The following GSDMA variants were observed in gnomAD, a reference collection of about 807,000 sequenced individuals.
GSDMA encodes the protein gasdermin-A.
GSDMA carries 55 observed loss-of-function variants against 54.3 expected under a neutral mutation model. That is an observed-to-expected ratio of 1.01 (90% CI 0.82 to 1.27). GSDMA has a LOEUF of 1.27. GSDMA is among the 50% of genes most tolerant of loss of function. The probability of loss-of-function intolerance (pLI) is 0.00; values close to 1 mark genes in which losing one functional copy is unlikely to be tolerated. For missense variants in GSDMA, 542 were observed against 542.6 expected (o/e 1.00, Z 0.01); for synonymous variants, 211 against 224.7 (o/e 0.94, Z 0.54).
Position 39,966,380 on chromosome 17 carries a change from CTCTGGAGGTCCAG to C in GSDMA, c.336_348del (p.Leu113HisfsTer24). On this transcript the variant is annotated frameshift_variant, in exon 3 of 12. Transcript: ENST00000301659. LOFTEE classifies it high-confidence loss of function. ...ACGGCAGGGCTCTCGCAGAACAGCA[CTCTGGAGGTCCAG>C]ACACTCAGTGTGGCTCCCAAGGCCC... 1 of 1,613,810 alleles carries C rather than the reference CTCTGGAGGTCCAG, an allele frequency of 6.2e-7. No individual in the cohort carries two copies.
chr17:39,971,112 A>T (rs1979919073), intron 4 of GSDMA, among the ~76,000 whole-genome samples: 1 of 152,196 alleles, frequency 6.6e-6, no homozygotes, highest in African/African-American at 2.4e-5. Flanking sequence ...TGGGATTTGG[A>T]GCCAGGAGTA....
Position 39,972,619 on chromosome 17 carries a change from T to G in GSDMA, c.730+6T>G. ...AGGAGAGGAGAAGGTCATCCGTAAG[T>G]GTTTCCTTTCATTCCACTGAAACTT... On this transcript the variant is annotated splice_donor_region_variant and intron_variant, in intron 7 of 11. Transcript: ENST00000301659. 1 of 1,611,596 alleles carries G rather than the reference T, an allele frequency of 6.2e-7. No individual in the cohort carries two copies. Among genetic ancestry groups the G allele is most frequent in the Non-Finnish European group, 8.5e-7 (1 of 1,178,552 alleles).
intron 1 of GSDMA, among the ~76,000 whole-genome samples, chr17:39,963,441 G>A (rs1019965057): frequency 1.3e-5 from 2 of 152,160 alleles, no homozygotes; most frequent in African/African-American, 4.8e-5. Context: ...TGTGGTGGAT[G>A]TGGGATGCTT....
chr17:39,965,010 C>T (rs1177168445), intron 1 of GSDMA, among the ~76,000 whole-genome samples: 1 of 151,956 alleles, frequency 6.6e-6, no homozygotes, highest in Non-Finnish European at 1.5e-5. Context: ...GTCCCAGCTA[C>T]TCAGGAGGCT....
chr17:39,965,389 T>C (rs1216335139), intron 1 of GSDMA: 1 of 354,448 alleles, frequency 2.8e-6, no homozygotes, highest in African/African-American at 2.0e-5. Context: ...GTGAAGAAAA[T>C]GAGCGTGGAG....
intron 7 of GSDMA, 25 bp from the exon 8 acceptor site, chr17:39,973,785 C>CTTTTTTTTT: frequency 6.9e-7 from 1 of 1,455,086 alleles, no homozygotes; most frequent in Non-Finnish European, 9.4e-7. Context: ...GCATTCTTAT[C>CTTTTTTTTT]TTTTTTTTTT....
chr17:39,964,462 G>A lies in GSDMA; in HGVS notation c.-5-1221G>A, dbSNP rs140355326. ...CACACACCTGCAGTCCCAGCTACTC[G>A]GGAGGCTGAGGCAGGAGAATCGCTT... is the stretch of plus-strand genomic sequence containing the variant. On this transcript the variant is annotated intron_variant, in intron 1 of 11. Transcript: ENST00000301659. 7.7e-4 allele frequency among the ~76,000 whole-genome samples: 117 copies of A among 152,126 alleles called. 1 individual carries two copies. In the East Asian group the frequency reaches 0.02, roughly 26 times the overall value.
intron 6 of GSDMA, 37 bp downstream of exon 6, chr17:39,972,213 G>T: frequency 7.0e-7 from 1 of 1,436,916 alleles, no homozygotes. Context: ...CACATCTTCC[G>T]CCCTACCCCT....
Position 39,969,621 on chromosome 17 carries a change from G to A in GSDMA, c.393-861G>A, listed in dbSNP as rs559357073. On this transcript the variant is annotated intron_variant, in intron 3 of 11. Transcript: ENST00000301659. ...GATCGAGTATTGCACAGAGTTAGGC[G>A]AGGTCATTGAGACTGACAGGTAAGA... 3.3e-5 allele frequency among the ~76,000 whole-genome samples: 5 copies of A among 152,256 alleles called. No homozygotes were observed. The South Asian group carries it at 8.3e-4, about 25-fold the overall frequency.
At position 39,971,630 on chromosome 17, in the gene GSDMA, G is replaced by A; in HGVS notation, c.655+10G>A. 2 of 1,599,100 alleles carry A rather than the reference G, an allele frequency of 1.3e-6. No individual in the cohort carries two copies. The highest frequency in any genetic ancestry group is 1.7e-6 in the Non-Finnish European group (2 of 1,166,412). Reference sequence around the variant, plus strand: ...GGCAAAGATGAGTGGGGTGAGCAGAGACCCGCATGTTCTCCCCACAAGATG... The same window carrying A: ...GGCAAAGATGAGTGGGGTGAGCAGAAACCCGCATGTTCTCCCCACAAGATG... On this transcript the variant is annotated intron_variant, in intron 5 of 11. Coordinates refer to ENST00000301659, the MANE Select transcript of GSDMA (RefSeq NM_178171.5).
At position 39,966,254 on chromosome 17, in the gene GSDMA, C is replaced by T; in HGVS notation, c.215-6C>T. On this transcript the variant is annotated splice_region_variant and splice_polypyrimidine_tract_variant and intron_variant, in intron 2 of 11. Coordinates refer to ENST00000301659, the MANE Select transcript of GSDMA (RefSeq NM_178171.5). The stretch of plus-strand genomic sequence containing the variant: ...CCCAGCCCCTTTTGTCTTTTCCCTC[C>T]TGCAGACCCAACAGACACTGGGAAT... 1 of 1,613,922 alleles carries T rather than the reference C, an allele frequency of 6.2e-7. No homozygotes were observed. The highest frequency in any genetic ancestry group is 1.1e-5 in the South Asian group (1 of 91,078).
At position 39,973,744 on chromosome 17, in the gene GSDMA, C is replaced by T. The variant is rs374426083; in HGVS notation, c.731-66C>T. The T allele has an allele frequency of 1.3e-4, 184 of 1,382,252 alleles. No homozygotes were observed. The African/African-American group carries it at 2.3e-3, about 18-fold the overall frequency. The allele number at this position is 1,382,252 out of a possible 1,614,324, so 85.6% of individuals were successfully genotyped here. A position where few individuals can be genotyped will look rare whatever the true frequency, so the allele number is the denominator to read the frequency against. On this transcript the variant is annotated intron_variant, in intron 7 of 11. Transcript: ENST00000301659. Reference sequence around the variant, plus strand: ...TTCCTCATCTTCCTTAGTGTCTCAACCCCTGGGTATGGCTGCCATTCTGAA... The same window carrying T: ...TTCCTCATCTTCCTTAGTGTCTCAATCCCTGGGTATGGCTGCCATTCTGAA...
chr17:39,974,161 G>A (rs542271283), intron 8 of GSDMA, 112 bp from the exon 9 acceptor site: 3 of 1,132,786 alleles, frequency 2.6e-6, no homozygotes, highest in Non-Finnish European at 3.7e-6. Flanking sequence ...AAACTGGGGG[G>A]TAGAGCATGG....
chr17:39,974,531 G>C, intron 9 of GSDMA, 104 bp downstream of exon 9: 1 of 1,307,904 alleles, frequency 7.6e-7, no homozygotes, highest in South Asian at 1.5e-5. Flanking sequence ...ACGGGGGCAG[G>C]AGGTGGGTGG....
At chr17:39,969,914 G>GT (rs1243301943) in intron 3 of GSDMA, among the ~76,000 whole-genome samples, 1 of 152,092 alleles carries the variant, frequency 6.6e-6, no homozygotes, top group Non-Finnish European at 1.5e-5. Flanking sequence ...AAAAAATAGG[G>GT]TAGTAATTTG....
rs370686535 is a variant in GSDMA at position 39,965,841 on chromosome 17, C to T, written c.154C>T (p.Arg52Trp). 118 of 1,573,800 alleles carry T rather than the reference C, an allele frequency of 7.5e-5. No individual in the cohort carries two copies. In the East Asian group the frequency reaches 2.2e-3, roughly 30 times the overall value. ...GAAGAGCACGCTCTTCTGGGGGGCC[C>T]GGTACGTCCGCACCGACTACACGCT... ...KRKSTLFWGARYVRTDYTLLD... is the reference protein window; with the variant it reads ...KRKSTLFWGAWYVRTDYTLLD... The change falls in exon 2 of 12, where the codon CGG (arginine) becomes TGG (tryptophan). Residue 52 changes from arginine to tryptophan, a missense_variant. By Grantham distance (101) the Arg-to-Trp change is moderately radical. Coordinates refer to ENST00000301659, the MANE Select transcript of GSDMA (RefSeq NM_178171.5).
chr17:39,966,505 G>A, intron 3 of GSDMA, 68 bp downstream of exon 3: 1 of 1,384,028 alleles, frequency 7.2e-7, no homozygotes, highest in Non-Finnish European at 9.9e-7. Context: ...TGGTGCTTGG[G>A]GCCTTGAGCT....
At chr17:39,974,528 C>T (rs543084718) in intron 9 of GSDMA, 101 bp downstream of exon 9, 1 of 1,329,242 alleles carries the variant, frequency 7.5e-7, no homozygotes, top group South Asian at 1.5e-5. Flanking sequence ...CTGACGGGGG[C>T]AGGAGGTGGG....
chr17:39,975,071 C>G, intron 10 of GSDMA, 57 bp downstream of exon 10: 1 of 927,942 alleles, frequency 1.1e-6, no homozygotes, highest in Non-Finnish European at 1.7e-6. Flanking sequence ...GAATGAATCA[C>G]TTGAATCAAT....
Sources: allele counts gnomAD v4.1 joint callset (sites outside exome capture counted in the v4.1 genomes callset), GRCh38; gene constraint gnomAD v4.1.1; transcripts MANE v1.5; gene names NCBI Gene and HGNC (gene_info 2026-07-23, HGNC 2026-07-21).